Variants in IQUB observed in about 807,000 individuals in gnomAD.
IQUB encodes the protein IQ motif and ubiquitin domain containing.
Under a neutral mutation model 86.4 loss-of-function variants are expected in IQUB, and 86 were observed. The ratio of observed to expected loss-of-function variants is 1.00; its 90% CI spans 0.84 to 1.19. The LOEUF is 1.19. Ranked by LOEUF, IQUB falls within the 50% of genes most tolerant of loss-of-function variation. The pLI, the probability that IQUB is intolerant of heterozygous loss-of-function variation, is 0.00. For synonymous variants in IQUB, 289 were observed against 304.5 expected (o/e 0.95, Z 0.53); for missense variants, 946 against 916.9 (o/e 1.03, Z -0.41).
intron 9 of IQUB, among the ~76,000 whole-genome samples, chr7:123,467,258 C>T (rs142294379): frequency 5.0e-4 from 76 of 152,112 alleles, no homozygotes; most frequent in Non-Finnish European, 9.0e-4. Flanking sequence ...GGAATGTAGA[C>T]AACATATTCA....
At chr7:123,530,242 C>G (rs1276299739) in intron 1 of IQUB, among the ~76,000 whole-genome samples, 2 of 151,862 alleles carry the variant, frequency 1.3e-5, no homozygotes, top group Non-Finnish European at 2.9e-5. Context: ...TCGAGACCAT[C>G]CCGGCCAACA....
At chr7:123,456,620 T>A (rs1008910941) in intron 12 of IQUB, 68 of 152,238 alleles carry the variant, frequency 4.5e-4, no homozygotes, top group Middle Eastern at 3.4e-3. Flanking sequence ...TTTACTTTCC[T>A]TTAGCTGACA....
At position 123,452,869 on chromosome 7, in the gene IQUB, G is replaced by T. The variant is rs148678397; in HGVS notation, c.2250C>A (p.Asn750Lys). Residue 750 changes from asparagine (N) to lysine (K), a missense_variant, in exon 13 of 13, where the codon AAC (asparagine) becomes AAA (lysine). Asn to Lys is a moderately conservative substitution (Grantham distance 94). Coordinates refer to ENST00000324698, the MANE Select transcript of IQUB (RefSeq NM_178827.5). ...KIKHKHILAKNYFSQVPVLAS... is the reference protein window; with the variant it reads ...KIKHKHILAKKYFSQVPVLAS... ...CCAGCACTGGAACCTGAGAAAAATA[G>T]TTCTTAGCCAGGATATGTTTGTGTT... 166 of 1,613,360 alleles carry T rather than the reference G, an allele frequency of 1.0e-4. No homozygotes were observed. The highest frequency in any genetic ancestry group is 1.4e-4 in the Non-Finnish European group (162 of 1,179,640).
chr7:123,489,219 A>G lies in IQUB; in HGVS notation c.1234+7477T>C, dbSNP rs533621233. On this transcript the variant is annotated intron_variant, in intron 7 of 12. Transcript: ENST00000324698. ...GGGTAGTTGCTATATATATGTCTGC[A>G]TATGTAAAAAGTCATAAAGCTGTAC... 8.3e-4 allele frequency among the ~76,000 whole-genome samples: 126 copies of G among 152,320 alleles called. 1 individual carries two copies. The highest frequency in any genetic ancestry group is 3.4e-3 in the Middle Eastern group (1 of 294).
chr7:123,503,059 G>A lies in IQUB; in HGVS notation c.752C>T (p.Pro251Leu), dbSNP rs1463894018. Residue 251 changes from proline to leucine, a missense_variant, in exon 5 of 13, where the codon CCA becomes CTA. Pro to Leu is a moderately conservative substitution (Grantham distance 98, BLOSUM62 -3). Transcript: ENST00000324698. ...VEIVKSDFHK[P>L]FLGGFRHKVT... ...TTTATGTCTGAATCCACCAAGAAAT[G>A]GTTTGTGAAAGTCAGATTTGACAAT... The A allele has an allele frequency of 2.1e-5, 34 of 1,613,230 alleles. No homozygotes were observed. Among genetic ancestry groups the A allele is most frequent in the Non-Finnish European group, 2.8e-5 (33 of 1,179,636 alleles).
chr7:123,511,404 TTG>T (rs1262281616), intron 2 of IQUB, among the ~76,000 whole-genome samples: 2 of 152,232 alleles, frequency 1.3e-5, no homozygotes, highest in East Asian at 3.8e-4. Context: ...CAACATTATT[TTG>T]TGTCTTTAAA....
intron 1 of IQUB, among the ~76,000 whole-genome samples, chr7:123,529,794 G>A (rs569203015): frequency 6.7e-6 from 1 of 148,804 alleles, no homozygotes; most frequent in African/African-American, 2.5e-5. Flanking sequence ...CCAGCACTTT[G>A]GGAGGCTGAG....
At chr7:123,512,442 A>C in intron 1 of IQUB, 98 bp from the exon 2 acceptor site, 3 of 630,136 alleles carry the variant, frequency 4.8e-6, no homozygotes, top group Admixed American at 3.6e-5. Flanking sequence ...ATAATATTCA[A>C]CTAAAATGTT....
intron 8 of IQUB, among the ~76,000 whole-genome samples, chr7:123,475,559 A>G (rs1167961178): frequency 1.3e-5 from 2 of 152,156 alleles, no homozygotes; most frequent in Non-Finnish European, 2.9e-5. Flanking sequence ...AATGCTAGAC[A>G]TGGGGACTGG....
At chr7:123,473,085 G>A (rs547638592) in intron 8 of IQUB, among the ~76,000 whole-genome samples, 1 of 152,230 alleles carries the variant, frequency 6.6e-6, no homozygotes, top group South Asian at 2.1e-4. Context: ...GACTGCACTA[G>A]GAAAGTAGAT....
intron 10 of IQUB, 96 bp from the exon 11 acceptor site, chr7:123,461,701 T>A: frequency 9.4e-7 from 1 of 1,066,448 alleles, no homozygotes; most frequent in Non-Finnish European, 1.3e-6. Context: ...CTAACTTACT[T>A]ATCTTAGAAT....
At chr7:123,470,648 G>A (rs775340777) in intron 8 of IQUB, among the ~76,000 whole-genome samples, 38 of 152,052 alleles carry the variant, frequency 2.5e-4, no homozygotes, top group Non-Finnish European at 4.9e-4. Flanking sequence ...TCAGGAGATC[G>A]AGACCATCCT....
intron 1 of IQUB, among the ~76,000 whole-genome samples, chr7:123,530,786 C>G (rs1425353853): frequency 1.3e-5 from 2 of 148,912 alleles, no homozygotes; most frequent in Admixed American, 6.8e-5. Flanking sequence ...AAGCAATTCT[C>G]CTGCCTCAGC....
At chr7:123,455,145 C>T (rs916112087) in intron 12 of IQUB, among the ~76,000 whole-genome samples, 2 of 151,520 alleles carry the variant, frequency 1.3e-5, no homozygotes, top group East Asian at 2.0e-4. Context: ...TACATATTTA[C>T]GGGGTACATA....
chr7:123,515,109 A>G (rs1225178243), intron 1 of IQUB, among the ~76,000 whole-genome samples: 1 of 152,164 alleles, frequency 6.6e-6, no homozygotes, highest in East Asian at 1.9e-4. Context: ...ACAAAAAACA[A>G]ACAAACAAAA....
chr7:123,466,024 C>A (rs769004123), intron 9 of IQUB, among the ~76,000 whole-genome samples: 28 of 151,788 alleles, frequency 1.8e-4, no homozygotes, highest in Non-Finnish European at 3.4e-4. Flanking sequence ...TTATTGAGGC[C>A]CTCCTCTTTG....
chr7:123,457,250 G>C, intron 12 of IQUB, 131 bp downstream of exon 12: 1 of 1,421,952 alleles, frequency 7.0e-7, no homozygotes, highest in Non-Finnish European at 9.2e-7. Flanking sequence ...TTTTTTTGTT[G>C]TTAATCCATA....
intron 7 of IQUB, among the ~76,000 whole-genome samples, chr7:123,496,322 T>C (rs1795705555): frequency 1.3e-5 from 2 of 152,076 alleles, no homozygotes; most frequent in South Asian, 4.1e-4. Context: ...TCAGACAGGA[T>C]GCTGGATTGA....
chr7:123,484,631 A>G (rs1056589271), intron 7 of IQUB, among the ~76,000 whole-genome samples: 11 of 152,206 alleles, frequency 7.2e-5, no homozygotes, highest in African/African-American at 2.4e-4. Flanking sequence ...CTATTCTCAA[A>G]AAAAATCAAA....
Sources: gnomAD v4.1 joint callset for allele counts (sites outside exome capture counted in the v4.1 genomes callset) on GRCh38, gnomAD v4.1.1 for gene constraint, MANE v1.5 for transcripts, NCBI Gene and HGNC (gene_info 2026-07-23, HGNC 2026-07-21) for gene names.